TESK2: variants seen among roughly 807,000 people sequenced by gnomAD.
TESK2 encodes the protein testis associated actin remodelling kinase 2.
A neutral mutation model predicts 57.1 loss-of-function variants in TESK2; 39 were observed. That is an observed-to-expected ratio of 0.68 (90% confidence interval 0.53 to 0.89). The LOEUF is 0.89. TESK2 is among the 40% of genes least tolerant of loss of function. TESK2 has a pLI of 0.00. For missense variants in TESK2, 646 were observed against 732.1 expected (o/e 0.88, Z 1.36); for synonymous variants, 249 against 267.9 (o/e 0.93, Z 0.69).
At chr1:45,346,610 TAGC>T (rs1434649445) in intron 9 of TESK2, 80 bp downstream of exon 9, 30 of 1,184,360 alleles carry the variant, frequency 2.5e-5, no homozygotes, top group Non-Finnish European at 3.2e-5. Context: ...TGAAGCTAAT[TAGC>T]AGCCTCTCTG....
Position 45,344,517 on chromosome 1 carries a change from TAG to T in TESK2, c.*321_*322del. ...TGGGGTGGGGAAAGAACCGGGGTAATAGCTGCCTGCCAGCTCAGCCTAGAACT... is the reference window on the plus strand; with the variant it reads ...TGGGGTGGGGAAAGAACCGGGGTAATCTGCCTGCCAGCTCAGCCTAGAACT... On this transcript the variant is annotated 3_prime_UTR_variant, in exon 11 of 11. Transcript: ENST00000372086. 1 of 287,560 alleles carries T rather than the reference TAG, an allele frequency of 3.5e-6. No individual in the cohort carries two copies. Among genetic ancestry groups the T allele is most frequent in the Admixed American group, 4.8e-5 (1 of 20,836 alleles). 17.8% of individuals were successfully genotyped at this position (287,560 alleles called of 1,614,324 possible).
intron 4 of TESK2, among the ~76,000 whole-genome samples, 196 bp downstream of exon 4, chr1:45,385,710 GTATATA>G (rs754585734): frequency 0.012 from 1,560 of 135,300 alleles, 55 homozygotes; most frequent in African/African-American, 0.043. Flanking sequence ...GTGTGTGTGT[GTATATA>G]TATATATATA....
intron 3 of TESK2, among the ~76,000 whole-genome samples, chr1:45,395,168 A>T (rs1649308841): frequency 6.6e-6 from 1 of 152,112 alleles, no homozygotes; most frequent in Non-Finnish European, 1.5e-5. Flanking sequence ...TCATTTCCAC[A>T]TACCTTACTT....
intron 1 of TESK2, among the ~76,000 whole-genome samples, chr1:45,482,357 G>A (rs1174812297): frequency 1.3e-5 from 2 of 151,824 alleles, no homozygotes; most frequent in Admixed American, 1.3e-4. Context: ...GTGAGACCAT[G>A]CCTCTACAAA....
intron 2 of TESK2, among the ~76,000 whole-genome samples, chr1:45,449,761 A>G (rs1174505458): frequency 6.6e-6 from 1 of 152,218 alleles, no homozygotes; most frequent in Non-Finnish European, 1.5e-5. Context: ...GATGAAATGT[A>G]GTAGACAGTT....
intron 2 of TESK2, among the ~76,000 whole-genome samples, chr1:45,432,561 G>C (rs1651016250): frequency 6.7e-6 from 1 of 150,138 alleles, no homozygotes; most frequent in South Asian, 2.1e-4. Context: ...CATGGTGGCA[G>C]GCGCCTGTAG....
At chr1:45,459,668 C>T (rs968997669) in intron 1 of TESK2, among the ~76,000 whole-genome samples, 1 of 152,090 alleles carries the variant, frequency 6.6e-6, no homozygotes, top group African/African-American at 2.4e-5. Flanking sequence ...ATAGTGAGAC[C>T]TCGTCTGTAT....
In TESK2 at chr1:45,364,299, C is replaced by T. The variant is rs116779758; in HGVS notation, c.394-8850G>A. ...AGTAGGGCAGGCCCTTAATCCAATA[C>T]GACTGGAATCCTTATAAAAAGAGTG... On this transcript the variant is annotated intron_variant, in intron 4 of 10. Coordinates refer to ENST00000372086, the MANE Select transcript of TESK2 (RefSeq NM_007170.3). Among the ~76,000 whole-genome samples, 268 of 152,114 alleles carry T rather than the reference C, an allele frequency of 1.8e-3. 1 individual carries two copies. The highest frequency in any genetic ancestry group is 6.0e-3 in the African/African-American group (250 of 41,490).
At chr1:45,379,465 C>T (rs2149272530) in intron 4 of TESK2, among the ~76,000 whole-genome samples, 1 of 152,264 alleles carries the variant, frequency 6.6e-6, no homozygotes, top group Admixed American at 6.5e-5. Context: ...CTGGACATGG[C>T]CTTGGCTTGC....
chr1:45,416,414 C>G (rs1163819138), intron 3 of TESK2, among the ~76,000 whole-genome samples: 1 of 152,060 alleles, frequency 6.6e-6, no homozygotes, highest in South Asian at 2.1e-4. Context: ...GCTGGGATTA[C>G]AGGTGTGGGC....
intron 3 of TESK2, chr1:45,398,914 T>C (rs964631916): frequency 1.1e-4 from 46 of 420,118 alleles, no homozygotes; most frequent in Non-Finnish European, 1.9e-4. Context: ...TGGAGGAACC[T>C]GAGGCCCTCT....
chr1:45,442,132 C>T (rs1651471256), intron 2 of TESK2, among the ~76,000 whole-genome samples: 1 of 152,064 alleles, frequency 6.6e-6, no homozygotes, highest in Non-Finnish European at 1.5e-5. Context: ...GATGAGGTTT[C>T]TCCATGTTGG....
chr1:45,345,262 C>T lies in TESK2; in HGVS notation c.1294G>A (p.Ala432Thr), dbSNP rs1415028013. 1.2e-6 allele frequency: 2 copies of T among 1,614,104 alleles called. No individual in the cohort carries two copies. Among genetic ancestry groups the T allele is most frequent in the South Asian group, 2.2e-5 (2 of 91,090 alleles). Reference protein sequence around the residue: ...SVISLVFDLDAPGPGTMPLAD... With the variant: ...SVISLVFDLDTPGPGTMPLAD... Reference sequence around the variant, plus strand: ...AGGGGCATAGTTCCGGGCCCTGGTGCATCCAGGTCAAATACCAGAGAGATG... The same window carrying T: ...AGGGGCATAGTTCCGGGCCCTGGTGTATCCAGGTCAAATACCAGAGAGATG... The change falls in exon 11 of 11, where the codon GCA becomes ACA. Residue 432 changes from alanine (A) to threonine (T), a missense_variant. Coordinates refer to ENST00000372086, the MANE Select transcript of TESK2 (RefSeq NM_007170.3).
At chr1:45,455,926 C>T (rs192110884) in intron 2 of TESK2, among the ~76,000 whole-genome samples, 1 of 152,102 alleles carries the variant, frequency 6.6e-6, no homozygotes, top group Admixed American at 6.6e-5. Context: ...GGTGTGGTGG[C>T]TCTTACCTGT....
chr1:45,437,715 T>C (rs148543329), intron 2 of TESK2, among the ~76,000 whole-genome samples: 155 of 152,306 alleles, frequency 1.0e-3, no homozygotes, highest in African/African-American at 3.2e-3. Context: ...TTGAGGTATG[T>C]TCTGTCTATG....
chr1:45,479,546 C>T (rs996963664), intron 1 of TESK2, among the ~76,000 whole-genome samples: 11 of 152,054 alleles, frequency 7.2e-5, no homozygotes, highest in Non-Finnish European at 8.8e-5. Flanking sequence ...ATTCTCCTGC[C>T]TTACCCTCCA....
rs564431258 is a variant in TESK2, at chr1:45,456,131, C to T, written c.222+1433G>A. Among the ~76,000 whole-genome samples the T allele has an allele frequency of 1.5e-4, 23 of 152,104 alleles. 1 individual carries two copies. In the South Asian group the frequency reaches 3.5e-3, roughly 23 times the overall value. ...TCATCTGAGTCCAGGGAGGTCAAGACTGCAGTAAGCCATGATCACACCACA... is the reference window on the plus strand; with the variant it reads ...TCATCTGAGTCCAGGGAGGTCAAGATTGCAGTAAGCCATGATCACACCACA... On this transcript the variant is annotated intron_variant, in intron 2 of 10. Coordinates refer to ENST00000372086, the MANE Select transcript of TESK2 (RefSeq NM_007170.3).
intron 2 of TESK2, among the ~76,000 whole-genome samples, chr1:45,422,830 C>T (rs553101699): frequency 6.8e-4 from 93 of 137,396 alleles, no homozygotes; most frequent in African/African-American, 2.1e-3. Context: ...AGTGCAGTGG[C>T]GTGATCTCGG....
chr1:45,452,376 G>A (rs979452315), intron 2 of TESK2, among the ~76,000 whole-genome samples: 1 of 151,804 alleles, frequency 6.6e-6, no homozygotes, highest in African/African-American at 2.4e-5. Context: ...ACATAATAAT[G>A]ACTTCAAAAA....
Sources: gnomAD v4.1 joint callset for allele counts (sites outside exome capture counted in the v4.1 genomes callset) on GRCh38, gnomAD v4.1.1 for gene constraint, MANE v1.5 for transcripts, NCBI Gene and HGNC (gene_info 2026-07-23, HGNC 2026-07-21) for gene names.